The following TSC1 variants were observed in gnomAD, a reference collection of about 807,000 sequenced individuals.
TSC1 encodes TSC complex subunit 1.
A neutral mutation model predicts 124.3 loss-of-function variants in TSC1; 20 were observed. That is an observed-to-expected ratio of 0.16 (90% confidence interval 0.11 to 0.23). The LOEUF (loss-of-function observed/expected upper bound fraction) is 0.23. Among genes scored for constraint, TSC1 ranks in the 10% least tolerant of loss-of-function variants. TSC1 has a pLI of 1.00. For synonymous variants in TSC1, 493 were observed against 539.1 expected, an observed-to-expected ratio of 0.91 and a Z score of 1.19; for missense variants, 1,124 against 1,448.5, an observed-to-expected ratio of 0.78 and a Z score of 3.64.
upstream of TSC1, chr9:132,944,760 A>T (rs994301595): frequency 2.3e-5 from 9 of 396,846 alleles, no homozygotes; most frequent in Admixed American, 2.6e-4. Context: ...AGGCTCTTCC[A>T]CTCATAACTG....
In TSC1 at chr9:132,921,509, G is replaced by T; in HGVS notation, c.664-73C>A. The T allele has an allele frequency of 6.5e-7, 1 of 1,544,118 alleles. No individual in the cohort carries two copies. Among genetic ancestry groups the T allele is most frequent in the Non-Finnish European group, 8.9e-7 (1 of 1,117,830 alleles). On this transcript the variant is annotated intron_variant, in intron 7 of 22. Transcript: ENST00000298552. The surrounding 1 kb of genome is among the most constrained non-coding windows in gnomAD (Gnocchi z 4.3). ...ACATCCAAATGATGGAATATTAGTT[G>T]ACAATTAAAAGGAATGAAGTACTGA...
chr9:132,910,301 C>CAAA (rs10712193), intron 12 of TSC1: 123 of 478,824 alleles, frequency 2.6e-4, no homozygotes, highest in African/African-American at 7.6e-4. Flanking sequence ...ACCCTGTCTC[C>CAAA]AAAAAAAAAA....
chr9:132,929,185 C>T (rs919424105), intron 2 of TSC1, among the ~76,000 whole-genome samples: 1 of 152,096 alleles, frequency 6.6e-6, no homozygotes, highest in African/African-American at 2.4e-5. Flanking sequence ...CAGAAAGAAA[C>T]CTTAAAAACT....
rs1844997400 is a variant in TSC1 at position 132,895,706 on chromosome 9, A to C, written c.*529T>G. On this transcript the variant is annotated 3_prime_UTR_variant, in exon 23 of 23. Transcript: ENST00000298552. ...GCTTTAGATGCTGAACTTCAGAATCAAAAAAGCAGTCGGAAAGTCTCATGT... is the reference window on the plus strand; with the variant it reads ...GCTTTAGATGCTGAACTTCAGAATCCAAAAAGCAGTCGGAAAGTCTCATGT... The C allele has an allele frequency of 8.3e-6, 2 of 240,278 alleles. No individual in the cohort carries two copies. Among genetic ancestry groups the C allele is most frequent in the East Asian group, 1.2e-4 (2 of 16,830 alleles). The allele number at this position is 240,278 out of a possible 1,614,324, so 14.9% of individuals were successfully genotyped here.
chr9:132,925,477 A>G, intron 5 of TSC1, 110 bp downstream of exon 5: 1 of 1,373,176 alleles, frequency 7.3e-7, no homozygotes, highest in Non-Finnish European at 1.0e-6. Flanking sequence ...AATGCCTAGA[A>G]GGTTTTAAAC....
intron 1 of TSC1, chr9:132,942,193 T>C (rs1393379018): frequency 6.6e-6 from 1 of 152,216 alleles, no homozygotes; most frequent in African/African-American, 2.4e-5. Context: ...AATAAAAGGC[T>C]ACAAGCTATT....
Position 132,894,693 on chromosome 9 carries a change from T to TAAAAAAAAAAAA in TSC1, c.*1530_*1541dup. On this transcript the variant is annotated 3_prime_UTR_variant, in exon 23 of 23. Transcript: ENST00000298552. ...GATGCTAGAATATTTATTGCCATGC[T>TAAAAAAAAAAAA]AAAAAAAAAAAAAAAAAAAAAAGAC... 1 of 109,064 alleles carries TAAAAAAAAAAAA rather than the reference T, an allele frequency of 9.2e-6. No individual in the cohort carries two copies. The highest frequency in any genetic ancestry group is 1.8e-5 in the Non-Finnish European group (1 of 55,010). The allele number at this position is 109,064 out of a possible 1,614,324, so 6.8% of individuals were successfully genotyped here. A position where few individuals can be genotyped will look rare whatever the true frequency, so the allele number is the denominator to read the frequency against.
intron 8 of TSC1, chr9:132,912,941 C>CT (rs574327483): frequency 0.017 from 2,664 of 155,184 alleles, 5 homozygotes; most frequent in South Asian, 0.084. Flanking sequence ...GAATTTTTTT[C>CT]TTTTTTTTTT....
At chr9:132,914,760 T>C (rs1444245236) in intron 8 of TSC1, among the ~76,000 whole-genome samples, 2 of 150,314 alleles carry the variant, frequency 1.3e-5, no homozygotes, top group Non-Finnish European at 2.9e-5. Context: ...TCCCAGCTAC[T>C]TGAGTGGCTA....
In TSC1 at chr9:132,903,130, G is replaced by A. The variant is rs140353104; in HGVS notation, c.2209-343C>T. Among the ~76,000 whole-genome samples, 175 of 152,324 alleles carry A rather than the reference G, an allele frequency of 1.1e-3. 1 individual carries two copies. Among genetic ancestry groups the A allele is most frequent in the African/African-American group, 4.1e-3 (169 of 41,558 alleles). The stretch of plus-strand genomic sequence containing the variant: ...AGCATTTACTGAATGCTTGCAGTGT[G>A]CTGGGCGCTCAGCAAGGGCTTACCG... On this transcript the variant is annotated intron_variant, in intron 17 of 22. Coordinates refer to ENST00000298552, the MANE Select transcript of TSC1 (RefSeq NM_000368.5). This position sits in a 1 kb window ranked among gnomAD's most constrained non-coding sequence, Gnocchi z 5.9.
rs375418118 is a variant in TSC1, at chr9:132,944,409, C to A, written c.-144+134G>T. The A allele has an allele frequency of 3.7e-4, 148 of 395,020 alleles. No individual in the cohort carries two copies. The East Asian group carries it at 5.0e-3, about 13-fold the overall frequency. 24.5% of individuals were successfully genotyped at this position (395,020 alleles called of 1,614,324 possible). ...GGGAGGGGAGAGCTCTCCGAACCCC[C>A]CTTCCCCGGGATCCCTACCAAGCAA... On this transcript the variant is annotated intron_variant, in intron 1 of 22. Coordinates refer to ENST00000298552, the MANE Select transcript of TSC1 (RefSeq NM_000368.5).
chr9:132,944,694 C>T, upstream of TSC1: 1 of 398,806 alleles, frequency 2.5e-6, no homozygotes, highest in Non-Finnish European at 4.4e-6. Context: ...CGGACCTCCC[C>T]TCCTTCTCGA....
At position 132,912,319 on chromosome 9, in the gene TSC1, G is replaced by A. The variant is rs116756594; in HGVS notation, c.876C>T (p.Val292=). ...SARFPHRSAD[V]TTSPYADTQN... ...GTGTGTCAGCATAAGGGCTGGTGGT[G>A]ACATCGGCTGAACGATGAGGAAAGC... Residue 292 remains valine, a synonymous_variant, in exon 9 of 23, where the codon GTC becomes GTT. Transcript: ENST00000298552. 283 of 1,614,218 alleles carry A rather than the reference G, an allele frequency of 1.8e-4. No individual in the cohort carries two copies. In the African/African-American group the frequency reaches 3.4e-3, roughly 19 times the overall value.
At chr9:132,943,164 T>A (rs1847830182) in intron 1 of TSC1, among the ~76,000 whole-genome samples, 1 of 152,064 alleles carries the variant, frequency 6.6e-6, no homozygotes, top group Non-Finnish European at 1.5e-5. Context: ...AGAAGAGTAT[T>A]ATTCTATTTT....
rs1845448996 is a variant in TSC1 at position 132,902,695 on chromosome 9, C to G, written c.2301G>C (p.Gln767His). 1 of 1,614,210 alleles carries G rather than the reference C, an allele frequency of 6.2e-7. No individual in the cohort carries two copies. The highest frequency in any genetic ancestry group is 8.5e-7 in the Non-Finnish European group (1 of 1,180,036). Reference sequence around the variant, plus strand: ...GGAGCTTGGTTACCATAGTGTCACGCTGCTCCTGGAGCTGATTGTATCTAG... The same window carrying G: ...GGAGCTTGGTTACCATAGTGTCACGGTGCTCCTGGAGCTGATTGTATCTAG... The part of the protein sequence containing the change: ...EQARYNQLQE[Q>H]RDTMVTKLHS... The change falls in exon 18 of 23, where the codon CAG becomes CAC. Residue 767 changes from glutamine to histidine, a missense_variant. Physicochemically the swap from Gln to His is conservative, Grantham distance 24. Around this residue, in one of 5 missense-constraint regions of TSC1, gnomAD observed 321 missense variants for 397.4 expected, o/e 0.81. Transcript: ENST00000298552. This position sits in a 1 kb window ranked among gnomAD's most constrained non-coding sequence, Gnocchi z 5.2.
Position 132,894,305 on chromosome 9 carries a change from A to T in TSC1, c.*1930T>A. The T allele has an allele frequency of 4.3e-6, 1 of 231,252 alleles. No homozygotes were observed. Among genetic ancestry groups the T allele is most frequent in the Non-Finnish European group, 8.6e-6 (1 of 116,610 alleles). The allele number at this position is 231,252 out of a possible 1,614,324, so 14.3% of individuals were successfully genotyped here. ...AGTGCCTGGTATCTTGTTCTATGGC[A>T]CAGATCTCTTGGGCATGAGGAGAAG... is the stretch of plus-strand genomic sequence containing the variant. On this transcript the variant is annotated 3_prime_UTR_variant, in exon 23 of 23. Transcript: ENST00000298552.
chr9:132,908,786 A>G (rs576835276), intron 12 of TSC1, among the ~76,000 whole-genome samples: 76 of 151,984 alleles, frequency 5.0e-4, no homozygotes, highest in African/African-American at 1.7e-3. Flanking sequence ...TCAAATAATC[A>G]TCTTTGTTAT....
chr9:132,922,246 C>A (rs1273232567), intron 6 of TSC1, among the ~76,000 whole-genome samples: 1 of 152,186 alleles, frequency 6.6e-6, no homozygotes, highest in Non-Finnish European at 1.5e-5. Flanking sequence ...TAACTTCTGC[C>A]CTCCTCTTCA....
chr9:132,941,218 C>A lies in TSC1; in HGVS notation c.-144+3325G>T, dbSNP rs1312734035. 3 of 152,154 alleles carry A rather than the reference C, an allele frequency of 2.0e-5. No homozygotes were observed. The East Asian group carries it at 5.8e-4, about 29-fold the overall frequency. The allele number at this position is 152,154 out of a possible 1,614,324, so 9.4% of individuals were successfully genotyped here. A position where few individuals can be genotyped will look rare whatever the true frequency, so the allele number is the denominator to read the frequency against. ...TGTTATCTTTTGCTGATTCCATGTT[C>A]ATAATAAAAGTTAGCACTGAACGAG... is the stretch of plus-strand genomic sequence containing the variant. On this transcript the variant is annotated intron_variant, in intron 1 of 22. Coordinates refer to ENST00000298552, the MANE Select transcript of TSC1 (RefSeq NM_000368.5).
Sources: allele counts gnomAD v4.1 joint callset (sites outside exome capture counted in the v4.1 genomes callset), GRCh38; gene constraint gnomAD v4.1.1; regional missense constraint gnomAD v4.1.1; non-coding constraint Gnocchi (gnomAD v3.1); transcripts MANE v1.5; gene names NCBI Gene and HGNC (gene_info 2026-07-23, HGNC 2026-07-21).